Variants in PDXDC1 observed in about 807,000 individuals in gnomAD.
PDXDC1 encodes the protein pyridoxal dependent decarboxylase domain containing 1, also known as pyridoxal-dependent decarboxylase domain-containing protein 1.
A neutral mutation model predicts 100.1 loss-of-function variants in PDXDC1; 42 were observed. That is an observed-to-expected ratio of 0.42 (90% CI 0.33 to 0.54). The LOEUF is 0.54. Ranked by LOEUF, PDXDC1 falls within the 20% of genes least tolerant of loss-of-function variation. The probability of loss-of-function intolerance (pLI) is 0.10; values close to 1 mark genes in which losing one functional copy is unlikely to be tolerated. For missense variants in PDXDC1, 636 were observed against 979.2 expected (o/e 0.65, Z 4.68); for synonymous variants, 260 against 371.7 (o/e 0.70, Z 3.46).
At chr16:15,134,930 T>C (rs374838412) in intron 16 of PDXDC1, 3 of 364,934 alleles carry the variant, frequency 8.2e-6, no homozygotes, top group South Asian at 4.8e-5. Flanking sequence ...CGGTCCAGAG[T>C]GGGGAGCGTG....
In PDXDC1 at chr16:15,036,235, A is replaced by G. The variant is rs767344829; in HGVS notation, c.2327A>G (p.Asp776Gly). ...AFQKGVPHPEDDHSQVEGPES... is the reference protein window; with the variant it reads ...AFQKGVPHPEGDHSQVEGPES... ...CAGAAAGGGGTCCCACACCCAGAAG[A>G]TGACCACTCACAGGTAGAAGGACCG... The change falls in exon 23 of 23, where the codon GAT (aspartate) becomes GGT (glycine). Residue 776 changes from aspartate to glycine, a missense_variant. Asp to Gly is a moderately conservative substitution (Grantham distance 94). This residue lies in a region of PDXDC1 where 452 missense variants were observed against 402.9 expected (regional missense o/e 1.12). Coordinates refer to ENST00000396410, the MANE Select transcript of PDXDC1 (RefSeq NM_015027.4). 3.1e-5 allele frequency: 50 copies of G among 1,613,992 alleles called. No homozygotes were observed. Among genetic ancestry groups the G allele is most frequent in the Non-Finnish European group, 3.8e-5 (45 of 1,179,980 alleles).
At chr16:15,134,054 G>A (rs750442754) in intron 16 of PDXDC1, 5 of 1,572,168 alleles carry the variant, frequency 3.2e-6, no homozygotes, top group African/African-American at 1.3e-5. Flanking sequence ...TCTTGTTGCT[G>A]AACGTACGTG....
rs534017381 is a variant in PDXDC1 at position 15,111,282 on chromosome 16, C to T, written c.1400-27597C>T. Among the ~76,000 whole-genome samples the T allele has an allele frequency of 2.5e-3, 360 of 146,580 alleles. 8 individuals carry two copies. The highest frequency in any genetic ancestry group is 8.0e-3 in the African/African-American group (326 of 40,538). On this transcript the variant is annotated intron_variant, in intron 16 of 16. Transcript: ENST00000535621. Reference sequence around the variant, plus strand: ...GACCAGCCTCACCAACATGGAGAAACGCTGTCTCTGCTAAAAATACAAAAT... The same window carrying T: ...GACCAGCCTCACCAACATGGAGAAATGCTGTCTCTGCTAAAAATACAAAAT...
downstream of PDXDC1, chr16:15,038,548 G>GACTT (rs770806503): frequency 6.3e-6 from 8 of 1,271,730 alleles, no homozygotes; most frequent in African/African-American, 4.4e-5. Context: ...AGAGATTTAA[G>GACTT]ACTTACCCAG....
chr16:15,022,994 C>T (rs1457900004), intron 13 of PDXDC1, among the ~76,000 whole-genome samples: 1 of 152,290 alleles, frequency 6.6e-6, no homozygotes, highest in Non-Finnish European at 1.5e-5. Context: ...TCCTATGGTG[C>T]TTTTCATGTA....
chr16:15,080,254 T>G (rs1450916437), intron 16 of PDXDC1, among the ~76,000 whole-genome samples: 1 of 152,244 alleles, frequency 6.6e-6, no homozygotes, highest in African/African-American at 2.4e-5. Flanking sequence ...TCTACATGTA[T>G]TATGTTCGGT....
At chr16:15,021,879 A>T (rs2042236406) in intron 12 of PDXDC1, among the ~76,000 whole-genome samples, 1 of 152,292 alleles carries the variant, frequency 6.6e-6, no homozygotes. Context: ...GTTATTGAGC[A>T]TTCACCTCAG....
At chr16:15,089,308 AAAATG>A (rs768544015) in intron 16 of PDXDC1, among the ~76,000 whole-genome samples, 7 of 152,162 alleles carry the variant, frequency 4.6e-5, no homozygotes, top group South Asian at 4.2e-4. Flanking sequence ...CCCAAAAACG[AAAATG>A]AAATAAGTCT....
chr16:15,047,810 T>C (rs1467166201), intron 16 of PDXDC1: 1 of 1,462,240 alleles, frequency 6.8e-7, no homozygotes, highest in African/African-American at 1.4e-5. Flanking sequence ...GTCCCAAAGG[T>C]TGGGTCAGTT....
rs535275689 is a variant in PDXDC1 at position 15,093,312 on chromosome 16, T to C, written c.1400-45567T>C. On this transcript the variant is annotated intron_variant, in intron 16 of 16. Transcript: ENST00000535621. ...AGCAACCGCGCCCGGCCTAGATTTT[T>C]GTCTTCATTCAAGTGGAAGCTCAAA... Among the ~76,000 whole-genome samples the C allele has an allele frequency of 2.0e-5, 3 of 152,322 alleles. No individual in the cohort carries two copies. The South Asian group carries it at 6.2e-4, about 32-fold the overall frequency.
the PDXDC1 span, among the ~76,000 whole-genome samples, chr16:15,145,566 G>A: frequency 5.0e-4 from 76 of 152,264 alleles, no homozygotes; most frequent in Non-Finnish European, 1.5e-4. Flanking sequence ...CGCCAGGCTG[G>A]GCCAGGGCTG....
chr16:15,045,627 C>T (rs1214379337), intron 16 of PDXDC1: 1 of 152,386 alleles, frequency 6.6e-6, no homozygotes, highest in African/African-American at 2.4e-5. Flanking sequence ...CAAAACAAAA[C>T]AAAAAGACTG....
At chr16:14,982,359 A>G (rs1393547047) in intron 1 of PDXDC1, among the ~76,000 whole-genome samples, 1 of 152,292 alleles carries the variant, frequency 6.6e-6, no homozygotes, top group East Asian at 1.9e-4. Context: ...ATGGTGGCTC[A>G]TGCCTGTACT....
At chr16:15,050,334 G>C (rs1176855378) in intron 16 of PDXDC1, among the ~76,000 whole-genome samples, 1 of 152,196 alleles carries the variant, frequency 6.6e-6, no homozygotes, top group African/African-American at 2.4e-5. Context: ...GACAACGTAT[G>C]TATGTATTGC....
intron 16 of PDXDC1, among the ~76,000 whole-genome samples, chr16:15,077,242 G>A (rs1279062135): frequency 1.3e-5 from 2 of 152,012 alleles, no homozygotes; most frequent in Admixed American, 1.3e-4. Context: ...GCTTCCCAAA[G>A]TGCTGGAATT....
In PDXDC1 at chr16:15,033,371, C is replaced by T. The variant is rs1229188257; in HGVS notation, c.1784C>T (p.Thr595Ile). 1.2e-6 allele frequency: 2 copies of T among 1,614,052 alleles called. No individual in the cohort carries two copies. Among genetic ancestry groups the T allele is most frequent in the Non-Finnish European group, 1.7e-6 (2 of 1,180,016 alleles). Reference protein sequence around the residue: ...AAELVETIAATAREIEENSRL... With the variant: ...AAELVETIAAIAREIEENSRL... The stretch of plus-strand genomic sequence containing the variant: ...GAGCTCGTGGAGACCATTGCGGCCA[C>T]AGCCCGGGAGATAGAGGAGAACTCG... Residue 595 changes from threonine (T) to isoleucine (I), a missense_variant, in exon 19 of 23, where the codon ACA (threonine) becomes ATA (isoleucine). Physicochemically the swap from Thr to Ile is moderately conservative, Grantham distance 89. Around this residue, in one of 4 missense-constraint regions of PDXDC1, gnomAD observed 452 missense variants for 402.9 expected, o/e 1.12. Coordinates refer to ENST00000396410, the MANE Select transcript of PDXDC1 (RefSeq NM_015027.4).
intron 16 of PDXDC1, among the ~76,000 whole-genome samples, chr16:15,057,933 A>C (rs1047914250): frequency 5.9e-5 from 9 of 152,166 alleles, no homozygotes; most frequent in African/African-American, 2.2e-4. Context: ...GGACTAAATG[A>C]GCCAGATAAC....
At chr16:15,101,319 T>C (rs1024049846) in intron 16 of PDXDC1, among the ~76,000 whole-genome samples, 3 of 152,202 alleles carry the variant, frequency 2.0e-5, no homozygotes, top group Non-Finnish European at 4.4e-5. Flanking sequence ...CTTTTTTGTT[T>C]GTTTGTTTGT....
chr16:15,025,444 A>G (rs2042525846), intron 13 of PDXDC1: 1 of 152,538 alleles, frequency 6.6e-6, no homozygotes, highest in Non-Finnish European at 1.5e-5. Context: ...CCGTACCTTT[A>G]AAAGTATCAC....
Sources: allele counts gnomAD v4.1 joint callset (sites outside exome capture counted in the v4.1 genomes callset), GRCh38; gene constraint gnomAD v4.1.1; regional missense constraint gnomAD v4.1.1; transcripts MANE v1.5; gene names NCBI Gene and HGNC (gene_info 2026-07-23, HGNC 2026-07-21).